SRGAP2: variants seen among roughly 807,000 people sequenced by gnomAD.
SRGAP2 encodes SLIT-ROBO Rho GTPase activating protein 2, also known as SLIT-ROBO Rho GTPase-activating protein 2.
Under a neutral mutation model 57.2 loss-of-function variants are expected in SRGAP2, and 15 were observed. The ratio of observed to expected loss-of-function variants is 0.26; its 90% CI spans 0.18 to 0.40. The LOEUF is 0.40. Ranked by LOEUF, SRGAP2 falls within the 10% of genes least tolerant of loss-of-function variation. The probability of loss-of-function intolerance (pLI) is 1.00; values close to 1 mark genes in which losing one functional copy is unlikely to be tolerated. For missense variants in SRGAP2, 520 were observed against 669.6 expected (o/e 0.78, Z 2.47); for synonymous variants, 249 against 248.0 (o/e 1.00, Z -0.04).
At chr1:206,447,014 T>A (rs1662812417) in intron 18 of SRGAP2, among the ~76,000 whole-genome samples, 1 of 152,344 alleles carries the variant, frequency 6.6e-6, no homozygotes, top group South Asian at 2.1e-4. Flanking sequence ...TGACAGTATT[T>A]TAGGCCACTC....
chr1:206,255,474 G>A (rs1386933869), intron 2 of SRGAP2, among the ~76,000 whole-genome samples: 2 of 141,146 alleles, frequency 1.4e-5, no homozygotes, highest in Admixed American at 7.1e-5. Context: ...AGGGATTTAA[G>A]GTTAGATGAT....
chr1:206,356,107 G>A (rs1295381503), intron 4 of SRGAP2, among the ~76,000 whole-genome samples: 1 of 142,052 alleles, frequency 7.0e-6, no homozygotes, highest in African/African-American at 2.7e-5. Context: ...CACACGAATA[G>A]TGTGCAAGCT....
In SRGAP2 at chr1:206,259,750, T is replaced by A. The variant is rs1356085530; in HGVS notation, c.68-43531T>A. ...CAAGTGGCTAAGTTTTATTAAACAT[T>A]GTTAAATATTAATAAATTTATTAAA... On this transcript the variant is annotated intron_variant, in intron 2 of 22. Coordinates refer to ENST00000573034, the MANE Select transcript of SRGAP2 (RefSeq NM_015326.5). Among the ~76,000 whole-genome samples, 4 of 150,864 alleles carry A rather than the reference T, an allele frequency of 2.7e-5. No individual in the cohort carries two copies. In the East Asian group the frequency reaches 7.7e-4, roughly 29 times the overall value.
In SRGAP2 at chr1:206,450,502, G is replaced by A. The variant is rs529891074; in HGVS notation, c.2179+37G>A. 3.0e-5 allele frequency: 23 copies of A among 778,980 alleles called. No homozygotes were observed. In the South Asian group the frequency reaches 3.1e-4, roughly 10 times the overall value. The allele number at this position is 778,980 out of a possible 1,614,324, so 48.3% of individuals were successfully genotyped here. Reference sequence around the variant, plus strand: ...TGCTTCCTGGTCAGTGGGGACGCCAGGGGTGAGGCAGAAGGAAGTGATTAT... The same window carrying A: ...TGCTTCCTGGTCAGTGGGGACGCCAAGGGTGAGGCAGAAGGAAGTGATTAT... On this transcript the variant is annotated intron_variant, in intron 19 of 22. Coordinates refer to ENST00000573034, the MANE Select transcript of SRGAP2 (RefSeq NM_015326.5).
chr1:206,295,511 C>G (rs1166632501), intron 2 of SRGAP2, among the ~76,000 whole-genome samples: 6 of 147,954 alleles, frequency 4.1e-5, no homozygotes, highest in East Asian at 2.0e-4. Flanking sequence ...GTGTGAGCCA[C>G]TGTGCTCGAC....
At chr1:206,422,866 G>C (rs528303675) in intron 13 of SRGAP2, among the ~76,000 whole-genome samples, 7 of 152,332 alleles carry the variant, frequency 4.6e-5, no homozygotes, top group African/African-American at 1.7e-4. Flanking sequence ...ATCCAATAAA[G>C]ACCTTGTTTT....
rs1372064170 is a variant in SRGAP2 at position 206,454,736 on chromosome 1, A to G, written c.2361-142A>G. On this transcript the variant is annotated intron_variant, in intron 20 of 22. Coordinates refer to ENST00000573034, the MANE Select transcript of SRGAP2 (RefSeq NM_015326.5). This position sits in a 1 kb window ranked among gnomAD's most constrained non-coding sequence, Gnocchi z 4.3. ...AGGTTTCCTTGCCTCTGCTCACAGA[A>G]CTAGTCCAGCCAGGTGTCGCTGCTG... 3 of 603,692 alleles carry G rather than the reference A, an allele frequency of 5.0e-6. No homozygotes were observed. Among genetic ancestry groups the G allele is most frequent in the Non-Finnish European group, 8.9e-6 (3 of 338,978 alleles). The allele number at this position is 603,692 out of a possible 1,614,324, so 37.4% of individuals were successfully genotyped here. A position where few individuals can be genotyped will look rare whatever the true frequency, so the allele number is the denominator to read the frequency against.
intron 2 of SRGAP2, among the ~76,000 whole-genome samples, chr1:206,225,540 A>G (rs1553305369): frequency 6.6e-6 from 1 of 151,946 alleles, no homozygotes; most frequent in Non-Finnish European, 1.5e-5. Flanking sequence ...TTGAGATGAC[A>G]GTTCCATTCA....
intron 22 of SRGAP2, among the ~76,000 whole-genome samples, chr1:206,459,751 G>C (rs78917502): frequency 2.0e-5 from 3 of 152,182 alleles, no homozygotes; most frequent in Non-Finnish European, 4.4e-5. Flanking sequence ...CATCTTCCAG[G>C]GGGTGATAGA....
intron 7 of SRGAP2, among the ~76,000 whole-genome samples, chr1:206,398,469 A>G (rs1485591599): frequency 1.3e-5 from 2 of 152,178 alleles, no homozygotes; most frequent in Non-Finnish European, 2.9e-5. Context: ...AAACAGAGGC[A>G]GTGTGCCAGC....
intron 7 of SRGAP2, among the ~76,000 whole-genome samples, chr1:206,394,535 A>C (rs1295611517): frequency 6.6e-6 from 1 of 152,192 alleles, no homozygotes; most frequent in African/African-American, 2.4e-5. Context: ...CAGTTGCTAG[A>C]TAAGGAAGCT....
chr1:206,392,663 G>A lies in SRGAP2; in HGVS notation c.487-26G>A, dbSNP rs1160338511. Reference sequence around the variant, plus strand: ...ATGACCCCCTTGGCTTGACCTCTGGGGGTGGGGGTGGGCGATGTCTTGCAG... The same window carrying A: ...ATGACCCCCTTGGCTTGACCTCTGGAGGTGGGGGTGGGCGATGTCTTGCAG... On this transcript the variant is annotated intron_variant, in intron 5 of 22. Coordinates refer to ENST00000573034, the MANE Select transcript of SRGAP2 (RefSeq NM_015326.5). The A allele has an allele frequency of 4.1e-6, 3 of 737,484 alleles. No individual in the cohort carries two copies. In the African/African-American group the frequency reaches 5.2e-5, roughly 13 times the overall value. 45.7% of individuals were successfully genotyped at this position (737,484 alleles called of 1,614,324 possible).
intron 4 of SRGAP2, among the ~76,000 whole-genome samples, chr1:206,359,798 CTTTTTTT>C (rs1166916482): frequency 1.6e-4 from 11 of 70,228 alleles, no homozygotes; most frequent in African/African-American, 6.5e-4. Context: ...GGATATTGCT[CTTTTTTT>C]TTTTTTTTTT....
chr1:206,421,114 C>T, intron 12 of SRGAP2, 136 bp from the exon 13 acceptor site: 1 of 545,016 alleles, frequency 1.8e-6, no homozygotes. Flanking sequence ...CATTGGCTAC[C>T]ACACAGATTT....
chr1:206,423,155 G>A (rs1337183441), intron 13 of SRGAP2, among the ~76,000 whole-genome samples: 2 of 152,120 alleles, frequency 1.3e-5, no homozygotes, highest in East Asian at 3.9e-4. Flanking sequence ...TTTTTAAAAA[G>A]GAGACAGTCT....
intron 2 of SRGAP2, among the ~76,000 whole-genome samples, chr1:206,285,999 A>G (rs1341550920): frequency 1.3e-5 from 2 of 152,178 alleles, no homozygotes; most frequent in African/African-American, 4.8e-5. Flanking sequence ...ATGCCAACAG[A>G]TCCTGGATTC....
chr1:206,353,620 G>A (rs868936536), intron 4 of SRGAP2, among the ~76,000 whole-genome samples: 5 of 151,774 alleles, frequency 3.3e-5, no homozygotes, highest in Admixed American at 6.6e-5. Context: ...ACTTGAACCC[G>A]GAAGGTGGAG....
intron 17 of SRGAP2, among the ~76,000 whole-genome samples, chr1:206,445,245 G>A (rs1249744414): frequency 1.3e-5 from 2 of 152,194 alleles, no homozygotes; most frequent in South Asian, 2.1e-4. Flanking sequence ...AAGGCCCAAT[G>A]GGACTCATCA....
chr1:206,234,949 G>A (rs1667841455), intron 2 of SRGAP2, among the ~76,000 whole-genome samples: 1 of 151,260 alleles, frequency 6.6e-6, no homozygotes, highest in Admixed American at 6.6e-5. Context: ...AAAGTGGCAA[G>A]GAACAAAAAA....
Sources: allele counts gnomAD v4.1 joint callset (sites outside exome capture counted in the v4.1 genomes callset), GRCh38; gene constraint gnomAD v4.1.1; non-coding constraint Gnocchi (gnomAD v3.1); transcripts MANE v1.5; gene names NCBI Gene and HGNC (gene_info 2026-07-23, HGNC 2026-07-21).